HPSE: variants seen among roughly 807,000 people sequenced by gnomAD.
HPSE encodes the protein heparanase, also known as endo-glucoronidase.
A neutral mutation model predicts 65.1 loss-of-function variants in HPSE; 48 were observed. The ratio of observed to expected loss-of-function variants is 0.74; its 90% CI spans 0.58 to 0.94. The LOEUF is 0.94. HPSE is among the 40% of genes least tolerant of loss of function. The pLI, the probability that HPSE is intolerant of heterozygous loss-of-function variation, is 0.00. For missense variants in HPSE, 644 were observed against 637.5 expected, an observed-to-expected ratio of 1.01 and a Z score of -0.11; for synonymous variants, 243 against 260.0, an observed-to-expected ratio of 0.93 and a Z score of 0.63.
intron 1 of HPSE, among the ~76,000 whole-genome samples, chr4:83,333,952 C>T (rs952761834): frequency 2.0e-5 from 3 of 152,174 alleles, no homozygotes; most frequent in Admixed American, 1.3e-4. Flanking sequence ...TTGTCCTACA[C>T]TGCACAGCAA....
At chr4:83,300,401 T>C (rs1735893955) in intron 11 of HPSE, among the ~76,000 whole-genome samples, 1 of 152,248 alleles carries the variant, frequency 6.6e-6, no homozygotes, top group Non-Finnish European at 1.5e-5. Context: ...ATAATTTAAA[T>C]GCGTTGAGTG....
chr4:83,309,986 A>G, intron 6 of HPSE, 45 bp downstream of exon 6: 1 of 1,395,734 alleles, frequency 7.2e-7, no homozygotes, highest in Non-Finnish European at 1.0e-6. Context: ...TAATAAATAA[A>G]GCTAGCCTTA....
chr4:83,324,965 T>A (rs1037428904), intron 1 of HPSE, among the ~76,000 whole-genome samples: 5 of 152,244 alleles, frequency 3.3e-5, no homozygotes, highest in Non-Finnish European at 5.9e-5. Flanking sequence ...ACTCATAGTG[T>A]AATTTTAACA....
chr4:83,311,768 C>G (rs1672983214), intron 4 of HPSE, among the ~76,000 whole-genome samples: 1 of 115,510 alleles, frequency 8.7e-6, no homozygotes, highest in Admixed American at 1.1e-4. Context: ...GGTAACAGAG[C>G]AAGATCTTGT....
At position 83,334,727 on chromosome 4, in the gene HPSE, C is replaced by A. The variant is rs1161765557; in HGVS notation, c.56G>T (p.Gly19Val). The change falls in exon 1 of 12, where the codon GGG becomes GTG. Residue 19 changes from glycine (G) to valine (V), a missense_variant. Coordinates refer to ENST00000311412, the MANE Select transcript of HPSE (RefSeq NM_001098540.3). ...GCCAGGGGAGAGGGGACCCAGCGGC[C>A]CCAGGAGCAGCAGCATCAGCGGCGG... ...LPPPLMLLLL[G>V]PLGPLSPGAL... 5.8e-6 allele frequency: 9 copies of A among 1,562,686 alleles called. No individual in the cohort carries two copies. In the South Asian group the frequency reaches 1.1e-4, roughly 18 times the overall value.
intron 3 of HPSE, among the ~76,000 whole-genome samples, chr4:83,318,178 A>C (rs1243065866): frequency 6.6e-6 from 1 of 152,190 alleles, no homozygotes; most frequent in Non-Finnish European, 1.5e-5. Flanking sequence ...TAACCCAAAC[A>C]AAGTATAGTA....
In HPSE at chr4:83,306,254, G is replaced by T; in HGVS notation, c.1155C>A (p.Phe385Leu). 1 of 1,613,774 alleles carries T rather than the reference G, an allele frequency of 6.2e-7. No individual in the cohort carries two copies. The highest frequency in any genetic ancestry group is 8.5e-7 in the Non-Finnish European group (1 of 1,179,724). ...MGIEVVMRQV[F>L]FGAGNYHLVD... ...CTAAATGGTAGTTTCCTGCTCCAAA[G>T]AATACTTGCCTCATCACCACTTCTA... Residue 385 changes from phenylalanine to leucine, a missense_variant, in exon 9 of 12, where the codon TTC becomes TTA. Phe to Leu is a conservative substitution (Grantham distance 22). Coordinates refer to ENST00000311412, the MANE Select transcript of HPSE (RefSeq NM_001098540.3).
chr4:83,294,629 A>C lies in HPSE; in HGVS notation c.*715T>G, dbSNP rs951841642. The C allele has an allele frequency of 6.6e-6, 1 of 152,278 alleles. No homozygotes were observed. The highest frequency in any genetic ancestry group is 1.5e-5 in the Non-Finnish European group (1 of 68,108). The allele number at this position is 152,278 out of a possible 1,614,324, so 9.4% of individuals were successfully genotyped here. On this transcript the variant is annotated 3_prime_UTR_variant, in exon 12 of 12. Coordinates refer to ENST00000311412, the MANE Select transcript of HPSE (RefSeq NM_001098540.3). The stretch of plus-strand genomic sequence containing the variant: ...TTTAAAAATAGCCAAGTGTGATGGC[A>C]TGTGTCTGTGGTCCTAGCTACTTGG...
At chr4:83,322,458 T>C in intron 1 of HPSE, 94 bp from the exon 2 acceptor site, 2 of 1,031,950 alleles carry the variant, frequency 1.9e-6, no homozygotes, top group Non-Finnish European at 1.4e-6. Flanking sequence ...GACCTATTTC[T>C]TAACATTTCC....
chr4:83,309,095 T>C, intron 7 of HPSE, 144 bp from the exon 8 acceptor site: 1 of 668,810 alleles, frequency 1.5e-6, no homozygotes, highest in South Asian at 2.0e-5. Context: ...TCATAGTCAT[T>C]TAGGTCTTGG....
intron 3 of HPSE, among the ~76,000 whole-genome samples, chr4:83,315,726 G>A (rs1342189501): frequency 1.3e-5 from 2 of 152,132 alleles, no homozygotes; most frequent in Non-Finnish European, 1.5e-5. Flanking sequence ...ACCATCACAT[G>A]CCTTCGCCAT....
At chr4:83,329,877 G>T (rs935801053) in intron 1 of HPSE, among the ~76,000 whole-genome samples, 3 of 152,074 alleles carry the variant, frequency 2.0e-5, no homozygotes, top group African/African-American at 7.2e-5. Context: ...TAAGTAAGAG[G>T]GGGACAGAGT....
At chr4:83,333,197 C>A (rs540525753) in intron 1 of HPSE, among the ~76,000 whole-genome samples, 1 of 152,196 alleles carries the variant, frequency 6.6e-6, no homozygotes, top group South Asian at 2.1e-4. Flanking sequence ...AGAAACAATT[C>A]GTTTGAAACG....
chr4:83,321,645 T>C (rs1352425863), intron 2 of HPSE, among the ~76,000 whole-genome samples: 1 of 152,172 alleles, frequency 6.6e-6, no homozygotes. Context: ...AACTTCCATT[T>C]GATGTCTGAT....
chr4:83,310,744 T>G lies in HPSE; in HGVS notation c.820A>C (p.Lys274Gln), dbSNP rs1429595266. ...TACCTCTTCAGCATCTTAGCCGTCT[T>G]TCTTCGAGGCTGACCAACATCAGGA... ...YGPDVGQPRR[K>Q]TAKMLKSFLK... is the part of the protein sequence containing the mutation. Residue 274 changes from lysine (K) to glutamine (Q), a missense_variant, in exon 5 of 12, where the codon AAG becomes CAG. Transcript: ENST00000311412. 4.3e-6 allele frequency: 7 copies of G among 1,612,804 alleles called. No homozygotes were observed. The highest frequency in any genetic ancestry group is 5.1e-6 in the Non-Finnish European group (6 of 1,179,596).
At chr4:83,295,528 G>C in intron 11 of HPSE, 25 bp from the exon 12 acceptor site, 10 of 1,533,804 alleles carry the variant, frequency 6.5e-6, no homozygotes, top group Non-Finnish European at 8.8e-6. Context: ...GATACACCGA[G>C]TTAACCAAGT....
At chr4:83,310,539 ATG>A (rs1345510671) in intron 5 of HPSE, among the ~76,000 whole-genome samples, 181 bp downstream of exon 5, 1 of 151,940 alleles carries the variant, frequency 6.6e-6, no homozygotes, top group African/African-American at 2.4e-5. Context: ...AGGTGTGGTG[ATG>A]TGCACCTGTA....
intron 3 of HPSE, among the ~76,000 whole-genome samples, chr4:83,315,467 C>T (rs930254829): frequency 6.6e-6 from 1 of 152,144 alleles, no homozygotes; most frequent in Non-Finnish European, 1.5e-5. Flanking sequence ...AAGTCTTTGC[C>T]CAATATCACG....
rs374572589 is a variant in HPSE at position 83,308,959 on chromosome 4, A to G, written c.985-8T>C. The stretch of plus-strand genomic sequence containing the variant: ...CCTGGTGCTCTCAACCACCTATAGA[A>G]CAGAAAAGTATCCATGGTAATTGCA... On this transcript the variant is annotated splice_region_variant and splice_polypyrimidine_tract_variant and intron_variant, in intron 7 of 11. Coordinates refer to ENST00000311412, the MANE Select transcript of HPSE (RefSeq NM_001098540.3). The G allele has an allele frequency of 1.2e-6, 2 of 1,610,542 alleles. No homozygotes were observed. Among genetic ancestry groups the G allele is most frequent in the African/African-American group, 2.7e-5 (2 of 74,868 alleles).
Sources: allele counts gnomAD v4.1 joint callset (sites outside exome capture counted in the v4.1 genomes callset), GRCh38; gene constraint gnomAD v4.1.1; transcripts MANE v1.5; gene names NCBI Gene and HGNC (gene_info 2026-07-23, HGNC 2026-07-21).